The following IMPDH2 variants were observed in gnomAD, a reference collection of about 807,000 sequenced individuals.
IMPDH2 encodes inosine monophosphate dehydrogenase 2.
In IMPDH2, 33 loss-of-function variants were observed where a neutral mutation model predicts 57.8. The observed-to-expected ratio is 0.57, with a 90% CI of 0.43 to 0.76. The LOEUF is 0.76. Ranked by LOEUF, IMPDH2 falls within the 30% of genes least tolerant of loss-of-function variation. The pLI is 0.00. For missense variants in IMPDH2, 446 were observed against 659.1 expected, an observed-to-expected ratio of 0.68 and a Z score of 3.54; for synonymous variants, 270 against 241.3, an observed-to-expected ratio of 1.12 and a Z score of -1.10.
In IMPDH2 at chr3:49,024,348, GAAAAA is replaced by G; in HGVS notation, c.*30_*34del. The G allele has an allele frequency of 1.3e-6, 2 of 1,589,450 alleles. No homozygotes were observed. The highest frequency in any genetic ancestry group is 1.1e-5 in the South Asian group (1 of 90,270). On this transcript the variant is annotated 3_prime_UTR_variant, in exon 14 of 14. Transcript: ENST00000326739. ...ACTTTTTTCTTTCTAAACTTTTATT[GAAAAA>G]AAAACCGAGGAGGTGTGCTGGATCC...
chr3:49,025,435 A>G (rs2093194041), intron 9 of IMPDH2, 166 bp from the exon 10 acceptor site: 1 of 721,076 alleles, frequency 1.4e-6, no homozygotes, highest in Non-Finnish European at 2.4e-6. Context: ...TCTGCCTTAA[A>G]TAGTACAAAC....
At position 49,028,497 on chromosome 3, in the gene IMPDH2, A is replaced by G; in HGVS notation, c.183T>C (p.Leu61=). Residue 61 remains leucine, a synonymous_variant, in exon 3 of 14, where the codon CTT becomes CTC. Coordinates refer to ENST00000326739, the MANE Select transcript of IMPDH2 (RefSeq NM_000884.3). ...TGGGAGAGGAAACCAGTGGGGTCTTAAGAGTGATTTTCTTGGTCAGAGCAG... is the reference window on the plus strand; with the variant it reads ...TGGGAGAGGAAACCAGTGGGGTCTTGAGAGTGATTTTCTTGGTCAGAGCAG... ...LTSALTKKIT[L]KTPLVSSPMD... The G allele has an allele frequency of 7.4e-6, 12 of 1,614,090 alleles. No homozygotes were observed. Among genetic ancestry groups the G allele is most frequent in the Admixed American group, 1.7e-5 (1 of 60,012 alleles).
In IMPDH2 at chr3:49,024,405, C is replaced by T. The variant is rs984936097; in HGVS notation, c.1524-1G>A. On this transcript the variant is annotated splice_acceptor_variant, in intron 13 of 13. Coordinates refer to ENST00000326739, the MANE Select transcript of IMPDH2 (RefSeq NM_000884.3). LOFTEE classifies it high-confidence loss of function. ...TTTTCAGAAAAGCCGCTTCTCATACCTGCAGGCAGAAGGACCACCTGTGAG... is the reference window on the plus strand; with the variant it reads ...TTTTCAGAAAAGCCGCTTCTCATACTTGCAGGCAGAAGGACCACCTGTGAG... 2.0e-5 allele frequency: 33 copies of T among 1,614,140 alleles called. No homozygotes were observed. The highest frequency in any genetic ancestry group is 2.8e-5 in the Non-Finnish European group (33 of 1,180,018).
At position 49,024,789 on chromosome 3, in the gene IMPDH2, T is replaced by C. The variant is rs769810267; in HGVS notation, c.1309A>G (p.Ile437Val). 2 of 1,614,040 alleles carry C rather than the reference T, an allele frequency of 1.2e-6. No homozygotes were observed. Among genetic ancestry groups the C allele is most frequent in the East Asian group, 2.2e-5 (1 of 44,904 alleles). ...CCAGACACTCCCTGGGCCACTTTGATTTTGTCAGCTTCACTGCAGGGAGAG... is the reference window on the plus strand; with the variant it reads ...CCAGACACTCCCTGGGCCACTTTGACTTTGTCAGCTTCACTGCAGGGAGAG... The part of the protein sequence containing the change: ...QNRYFSEADK[I>V]KVAQGVSGAV... Residue 437 changes from isoleucine to valine, a missense_variant, in exon 12 of 14, where the codon ATC (isoleucine) becomes GTC (valine). Ile to Val is a conservative substitution (Grantham distance 29). Transcript: ENST00000326739.
rs1328379306 is a variant in IMPDH2 at position 49,028,818 on chromosome 3, G to A, written c.99-12C>T. On this transcript the variant is annotated splice_polypyrimidine_tract_variant and intron_variant, in intron 1 of 13. Transcript: ENST00000326739. ...GAATGAGAAAGTCACTGCGAGGGAA[G>A]GGAGTGAATTGGGAGTAAAGCTCTC... is the stretch of plus-strand genomic sequence containing the variant. The A allele has an allele frequency of 1.9e-6, 3 of 1,611,832 alleles. No homozygotes were observed. Among genetic ancestry groups the A allele is most frequent in the Non-Finnish European group, 1.7e-6 (2 of 1,177,898 alleles).
Position 49,024,586 on chromosome 3 carries a change from A to C in IMPDH2, c.1440-8T>G. The stretch of plus-strand genomic sequence containing the variant: ...CCAGAGTACATCATGGCTCTGAAGA[A>C]GGGCAGAGGTCAAATGTGGGTAGCT... On this transcript the variant is annotated splice_region_variant and splice_polypyrimidine_tract_variant and intron_variant, in intron 12 of 13. Transcript: ENST00000326739. The C allele has an allele frequency of 6.2e-7, 1 of 1,614,158 alleles. No homozygotes were observed. The highest frequency in any genetic ancestry group is 8.5e-7 in the Non-Finnish European group (1 of 1,180,010).
rs773307527 is a variant in IMPDH2 at position 49,029,376 on chromosome 3, T to A, written c.-26A>T. The A allele has an allele frequency of 1.2e-5, 18 of 1,501,398 alleles. No individual in the cohort carries two copies. Among genetic ancestry groups the A allele is most frequent in the Non-Finnish European group, 1.6e-5 (17 of 1,096,002 alleles). 93.0% of individuals were successfully genotyped at this position (1,501,398 alleles called of 1,614,324 possible). ...GGCCAACACAGGACACCGCCGCGTG[T>A]CTCCGAGGACCGCGCCGCAGAGACC... On this transcript the variant is annotated 5_prime_UTR_variant, in exon 1 of 14. Coordinates refer to ENST00000326739, the MANE Select transcript of IMPDH2 (RefSeq NM_000884.3).
chr3:49,028,673 A>G (rs1357852387), intron 2 of IMPDH2, 85 bp downstream of exon 2: 3 of 1,392,864 alleles, frequency 2.2e-6, no homozygotes, highest in African/African-American at 1.4e-5. Flanking sequence ...CCCAAGCCCA[A>G]TCTGGTGAGT....
intron 8 of IMPDH2, 35 bp from the exon 9 acceptor site, chr3:49,026,454 G>C (rs2093200006): frequency 6.2e-7 from 1 of 1,605,360 alleles, no homozygotes; most frequent in Admixed American, 1.7e-5. Context: ...TCATGTGAAG[G>C]TTAAGGTGGG....
At chr3:49,025,342 G>T in intron 9 of IMPDH2, 73 bp from the exon 10 acceptor site, 1 of 1,557,482 alleles carries the variant, frequency 6.4e-7, no homozygotes. Context: ...GCCATATTTA[G>T]GACCCAGGAG....
Position 49,025,226 on chromosome 3 carries a change from C to T in IMPDH2, c.1050G>A (p.Val350=). Reference sequence around the variant, plus strand: ...CACCAAAGCGCCGTGCATACTCTGACACCTTGTACACTGCTGTTGCTTGGG... The same window carrying T: ...CACCAAAGCGCCGTGCATACTCTGATACCTTGTACACTGCTGTTGCTTGGG... ...GRPQATAVYK[V]SEYARRFGVP... The change falls in exon 10 of 14, where the codon GTG becomes GTA. Residue 350 remains valine, a synonymous_variant. Transcript: ENST00000326739. 5.0e-6 allele frequency: 8 copies of T among 1,614,268 alleles called. No individual in the cohort carries two copies. The highest frequency in any genetic ancestry group is 6.8e-6 in the Non-Finnish European group (8 of 1,180,046).
intron 5 of IMPDH2, 101 bp downstream of exon 5, chr3:49,027,609 C>T (rs2093204791): frequency 5.9e-6 from 6 of 1,019,584 alleles, no homozygotes; most frequent in Non-Finnish European, 9.1e-6. Flanking sequence ...ACACTCCTTT[C>T]CCAGAGAGAA....
intron 9 of IMPDH2, among the ~76,000 whole-genome samples, chr3:49,025,636 T>C (rs908262215): frequency 6.6e-6 from 1 of 152,066 alleles, no homozygotes; most frequent in Non-Finnish European, 1.5e-5. Context: ...CCCTGAATGG[T>C]GGGCAGCTCA....
Position 49,024,588 on chromosome 3 carries a change from G to A in IMPDH2, c.1440-10C>T, listed in dbSNP as rs1205571732. On this transcript the variant is annotated splice_polypyrimidine_tract_variant and intron_variant, in intron 12 of 13. Coordinates refer to ENST00000326739, the MANE Select transcript of IMPDH2 (RefSeq NM_000884.3). ...AGAGTACATCATGGCTCTGAAGAAG[G>A]GCAGAGGTCAAATGTGGGTAGCTGG... 6 of 1,614,032 alleles carry A rather than the reference G, an allele frequency of 3.7e-6. No individual in the cohort carries two copies. Among genetic ancestry groups the A allele is most frequent in the Non-Finnish European group, 5.1e-6 (6 of 1,180,008 alleles).
intron 1 of IMPDH2, 104 bp from the exon 2 acceptor site, chr3:49,028,910 T>G: frequency 1.1e-6 from 1 of 915,170 alleles, no homozygotes; most frequent in Non-Finnish European, 1.8e-6. Flanking sequence ...GAGCAGAGAG[T>G]GGCACTGACA....
intron 4 of IMPDH2, 33 bp from the exon 5 acceptor site, chr3:49,027,949 C>G: frequency 2.0e-6 from 3 of 1,470,336 alleles, no homozygotes; most frequent in Non-Finnish European, 1.9e-6. Context: ...GGCATCGCAT[C>G]TTTGAACTAC....
chr3:49,027,083 A>T (rs1205150256), intron 5 of IMPDH2, 36 bp from the exon 6 acceptor site: 1 of 1,458,188 alleles, frequency 6.9e-7, no homozygotes. Flanking sequence ...AGGGCCAGTC[A>T]TCGACTATGA....
chr3:49,025,405 CTGGGA>C, intron 9 of IMPDH2, 136 bp from the exon 10 acceptor site: 2 of 877,130 alleles, frequency 2.3e-6, no homozygotes, highest in South Asian at 2.9e-5. Context: ...ACAGACGTGT[CTGGGA>C]TGGCTGCTGC....
chr3:49,027,037 T>G lies in IMPDH2; in HGVS notation c.542A>C (p.Lys181Thr). 6.2e-7 allele frequency: 1 copy of G among 1,612,634 alleles called. No individual in the cohort carries two copies. Among genetic ancestry groups the G allele is most frequent in the Non-Finnish European group, 8.5e-7 (1 of 1,178,582 alleles). The change falls in exon 6 of 14, where the codon AAG (lysine) becomes ACG (threonine). Residue 181 changes from lysine to threonine, a missense_variant. Transcript: ENST00000326739. The stretch of plus-strand genomic sequence containing the variant: ...AGGGGCTACCACCAAGTCTTCCCTC[T>G]TTGTCATTATCTACGTGGGAGGTGA... Reference protein sequence around the residue: ...HDCFLEEIMTKREDLVVAPAG... With the variant: ...HDCFLEEIMTTREDLVVAPAG...
Sources: gnomAD v4.1 joint callset for allele counts (sites outside exome capture counted in the v4.1 genomes callset) on GRCh38, gnomAD v4.1.1 for gene constraint, MANE v1.5 for transcripts, NCBI Gene and HGNC (gene_info 2026-07-23, HGNC 2026-07-21) for gene names.